The following MCTP1 variants were observed in gnomAD, a reference collection of about 807,000 sequenced individuals.
The protein encoded by MCTP1 is multiple C2 and transmembrane domain-containing protein 1.
MCTP1 carries 69 observed loss-of-function variants against 120.6 expected under a neutral mutation model. The observed-to-expected ratio is 0.57, with a 90% CI of 0.47 to 0.70. The LOEUF is 0.70. Among genes scored for constraint, MCTP1 ranks in the 30% least tolerant of loss-of-function variants. The pLI, the probability that MCTP1 is intolerant of heterozygous loss-of-function variation, is 0.00. For missense variants in MCTP1, 1,203 were observed against 1,248.8 expected (o/e 0.96, Z 0.55); for synonymous variants, 529 against 493.1 (o/e 1.07, Z -0.96).
chr5:95,113,986 G>A (rs1308859587), intron 1 of MCTP1, among the ~76,000 whole-genome samples: 1 of 152,160 alleles, frequency 6.6e-6, no homozygotes, highest in Non-Finnish European at 1.5e-5. Context: ...GAGTTGTGAG[G>A]CCCACTTTCC....
At chr5:95,073,050 T>C (rs1296872931) in intron 1 of MCTP1, among the ~76,000 whole-genome samples, 1 of 152,160 alleles carries the variant, frequency 6.6e-6, no homozygotes, top group African/African-American at 2.4e-5. Context: ...GGAGGACCTC[T>C]TTCTCAAGCC....
At position 95,005,160 on chromosome 5, in the gene MCTP1, T is replaced by A. The variant is rs527895282; in HGVS notation, c.838+12207A>T. Among the ~76,000 whole-genome samples the A allele has an allele frequency of 3.9e-5, 6 of 152,324 alleles. No individual in the cohort carries two copies. The East Asian group carries it at 1.2e-3, about 29-fold the overall frequency. On this transcript the variant is annotated intron_variant, in intron 2 of 22. Transcript: ENST00000515393. ...GACTGCCCTGCTGGGTTTCAGAATTTCTTGGGTCCTGTAGCTCTTTTATTT... is the reference window on the plus strand; with the variant it reads ...GACTGCCCTGCTGGGTTTCAGAATTACTTGGGTCCTGTAGCTCTTTTATTT...
chr5:94,931,778 C>T (rs908733533), intron 6 of MCTP1, 175 bp downstream of exon 6: 76 of 618,994 alleles, frequency 1.2e-4, no homozygotes, highest in African/African-American at 7.0e-4. Context: ...AGCTATTGAT[C>T]GGTGTGATTT....
chr5:95,122,685 G>A lies in MCTP1; in HGVS notation c.721-105201C>T, dbSNP rs541310710. Reference sequence around the variant, plus strand: ...GAAAGGAATTCAGTATATTGAAGAGGTATCTGCCTTTCCATGTGGATTACA... The same window carrying A: ...GAAAGGAATTCAGTATATTGAAGAGATATCTGCCTTTCCATGTGGATTACA... On this transcript the variant is annotated intron_variant, in intron 1 of 22. Transcript: ENST00000515393. Among the ~76,000 whole-genome samples, 38 of 152,226 alleles carry A rather than the reference G, an allele frequency of 2.5e-4. No individual in the cohort carries two copies. The South Asian group carries it at 7.9e-3, about 32-fold the overall frequency.
intron 1 of MCTP1, among the ~76,000 whole-genome samples, chr5:95,103,032 T>C (rs1273066363): frequency 6.6e-6 from 1 of 152,196 alleles, no homozygotes; most frequent in Non-Finnish European, 1.5e-5. Flanking sequence ...CTCTGAGGAC[T>C]AAATAAAATA....
intron 18 of MCTP1, among the ~76,000 whole-genome samples, chr5:94,780,014 CACAA>C (rs1776231900): frequency 6.6e-6 from 1 of 152,104 alleles, no homozygotes; most frequent in South Asian, 2.1e-4. Flanking sequence ...TTCCACACTT[CACAA>C]ACATACACAT....
chr5:94,967,178 C>T (rs1581619323), intron 2 of MCTP1, among the ~76,000 whole-genome samples: 1 of 152,154 alleles, frequency 6.6e-6, no homozygotes, highest in East Asian at 1.9e-4. Context: ...CATTTTTTCT[C>T]AACCACTGTG....
At chr5:94,976,858 C>T (rs1046139231) in intron 2 of MCTP1, 5 of 152,016 alleles carry the variant, frequency 3.3e-5, no homozygotes, top group African/African-American at 1.2e-4. Context: ...ATGTGAAAAT[C>T]CCATAGCTAA....
intron 1 of MCTP1, among the ~76,000 whole-genome samples, chr5:95,132,864 G>A (rs761522204): frequency 1.8e-4 from 28 of 152,070 alleles, no homozygotes; most frequent in Non-Finnish European, 3.1e-4. Context: ...GTAAAATGAG[G>A]GCAGGGATCA....
chr5:95,132,539 G>A (rs963994583), intron 1 of MCTP1, among the ~76,000 whole-genome samples: 3 of 152,178 alleles, frequency 2.0e-5, no homozygotes, highest in Non-Finnish European at 2.9e-5. Flanking sequence ...GCGGAAGGCC[G>A]GATGGCTGCA....
chr5:94,925,492 T>C lies in MCTP1; in HGVS notation c.1213-1471A>G, dbSNP rs191926556. On this transcript the variant is annotated intron_variant, in intron 6 of 22. Coordinates refer to ENST00000515393, the MANE Select transcript of MCTP1 (RefSeq NM_024717.7). ...GGCGCAATCTCGGCTCACTGCAAGC[T>C]CCACCTCCCGGGTTCACGCCATTCT... 7.3e-3 allele frequency among the ~76,000 whole-genome samples: 1,117 copies of C among 151,984 alleles called. 15 individuals are homozygous for C. Among genetic ancestry groups the C allele is most frequent in the African/African-American group, 0.026 (1,076 of 41,454 alleles).
In MCTP1 at chr5:94,704,913, G is replaced by T. The variant is rs901161610; in HGVS notation, c.*2583C>A. 1 of 151,178 alleles carries T rather than the reference G, an allele frequency of 6.6e-6. No individual in the cohort carries two copies. The highest frequency in any genetic ancestry group is 1.5e-5 in the Non-Finnish European group (1 of 67,544). 9.4% of individuals were successfully genotyped at this position (151,178 alleles called of 1,614,324 possible). ...AGTCTGGAACAGTACCAGAATGAATGAGAAGTACTATTATGTTCTTTTTGA... is the reference window on the plus strand; with the variant it reads ...AGTCTGGAACAGTACCAGAATGAATTAGAAGTACTATTATGTTCTTTTTGA... On this transcript the variant is annotated 3_prime_UTR_variant, in exon 23 of 23. Transcript: ENST00000515393.
At chr5:94,824,839 T>C (rs1415788589) in intron 17 of MCTP1, among the ~76,000 whole-genome samples, 1 of 152,218 alleles carries the variant, frequency 6.6e-6, no homozygotes, top group African/African-American at 2.4e-5. Context: ...GTGTTTATAG[T>C]ATTCTCTGAT....
chr5:95,134,966 A>T (rs1466679943), intron 1 of MCTP1, among the ~76,000 whole-genome samples: 1 of 134,556 alleles, frequency 7.4e-6, no homozygotes, highest in African/African-American at 2.8e-5. Context: ...CTCTTCAAGG[A>T]TCTCGATTTA....
chr5:94,935,916 C>T (rs1235704106), intron 5 of MCTP1, among the ~76,000 whole-genome samples: 1 of 151,974 alleles, frequency 6.6e-6, no homozygotes, highest in Non-Finnish European at 1.5e-5. Context: ...TTTACAGATG[C>T]AGTATGCTAT....
At chr5:94,776,843 T>A (rs1202223798) in intron 19 of MCTP1, among the ~76,000 whole-genome samples, 2 of 152,186 alleles carry the variant, frequency 1.3e-5, no homozygotes, top group Non-Finnish European at 2.9e-5. Context: ...AGCCAAGACG[T>A]AACATTTACC....
chr5:95,235,216 C>T (rs1448473343), intron 1 of MCTP1, among the ~76,000 whole-genome samples: 1 of 151,762 alleles, frequency 6.6e-6, no homozygotes, highest in African/African-American at 2.4e-5. Flanking sequence ...ATAAAATCCA[C>T]ATAATAATTT....
At chr5:95,040,444 A>T (rs77594776) in intron 1 of MCTP1, among the ~76,000 whole-genome samples, 2 of 146,142 alleles carry the variant, frequency 1.4e-5, no homozygotes, top group Middle Eastern at 3.6e-3. Flanking sequence ...CTCTGTCTCA[A>T]AAAAAAAAAA....
chr5:95,177,959 G>A (rs1409626594), intron 1 of MCTP1, among the ~76,000 whole-genome samples: 1 of 152,152 alleles, frequency 6.6e-6, no homozygotes, highest in African/African-American at 2.4e-5. Context: ...AAAATGTAGT[G>A]CCTACAAATC....
Sources: allele counts gnomAD v4.1 joint callset (sites outside exome capture counted in the v4.1 genomes callset), GRCh38; gene constraint gnomAD v4.1.1; transcripts MANE v1.5; gene names NCBI Gene and HGNC (gene_info 2026-07-23, HGNC 2026-07-21).